The following ADCY2 variants were observed in gnomAD, a reference collection of about 807,000 sequenced individuals.
ADCY2 encodes the protein adenylate cyclase type 2.
Under a neutral mutation model 125.2 loss-of-function variants are expected in ADCY2, and 31 were observed. That is an observed-to-expected ratio of 0.25 (90% confidence interval 0.19 to 0.33). The LOEUF is 0.33. ADCY2 is among the 10% of genes least tolerant of loss of function. The pLI is 1.00. For missense variants in ADCY2, 904 were observed against 1,418.2 expected (o/e 0.64, Z 5.82); for synonymous variants, 512 against 548.4 (o/e 0.93, Z 0.93).
intron 4 of ADCY2, among the ~76,000 whole-genome samples, chr5:7,682,125 A>G (rs1740358492): frequency 6.6e-6 from 1 of 152,236 alleles, no homozygotes; most frequent in Non-Finnish European, 1.5e-5. Flanking sequence ...TGAGAGAATT[A>G]AGCAAGACAA....
At chr5:7,707,633 C>A in intron 8 of ADCY2, 73 bp from the exon 9 acceptor site, 1 of 1,544,004 alleles carries the variant, frequency 6.5e-7, no homozygotes, top group Non-Finnish European at 8.8e-7. Flanking sequence ...TTTCAGAAAT[C>A]ATGAGCAAAT....
intron 2 of ADCY2, among the ~76,000 whole-genome samples, chr5:7,513,203 T>TC (rs904754662): frequency 6.7e-6 from 1 of 149,032 alleles, no homozygotes; most frequent in Non-Finnish European, 1.5e-5. Flanking sequence ...AATAGGGTAA[T>TC]CATAAAGAGA....
intron 14 of ADCY2, among the ~76,000 whole-genome samples, chr5:7,734,480 C>A (rs1167103992): frequency 6.6e-6 from 1 of 152,098 alleles, no homozygotes; most frequent in Non-Finnish European, 1.5e-5. Flanking sequence ...GCACCAAAGT[C>A]AAAAATGAAC....
At chr5:7,675,855 A>G (rs1014822065) in intron 4 of ADCY2, among the ~76,000 whole-genome samples, 4 of 152,212 alleles carry the variant, frequency 2.6e-5, no homozygotes, top group Non-Finnish European at 2.9e-5. Context: ...GAGGACTCCA[A>G]TGAGTTTACT....
chr5:7,739,595 A>C (rs1179940065), intron 14 of ADCY2, among the ~76,000 whole-genome samples: 1 of 151,864 alleles, frequency 6.6e-6, no homozygotes, highest in African/African-American at 2.4e-5. Context: ...GAAAACCATC[A>C]GTAGTGAAAA....
chr5:7,479,796 G>T (rs1045423829), intron 2 of ADCY2, among the ~76,000 whole-genome samples: 2 of 151,966 alleles, frequency 1.3e-5, no homozygotes, highest in African/African-American at 4.8e-5. Flanking sequence ...CTAGCTTCAT[G>T]AGTTCAATTG....
intron 4 of ADCY2, among the ~76,000 whole-genome samples, chr5:7,629,346 G>A (rs1162959404): frequency 6.6e-6 from 1 of 152,102 alleles, no homozygotes; most frequent in Non-Finnish European, 1.5e-5. Context: ...TGAAACTATT[G>A]GGACCTGTCT....
At chr5:7,688,025 T>A (rs1246492088) in intron 4 of ADCY2, among the ~76,000 whole-genome samples, 2 of 146,112 alleles carry the variant, frequency 1.4e-5, no homozygotes, top group Admixed American at 1.4e-4. Context: ...GACATCTCTG[T>A]AGATGAACAG....
chr5:7,796,027 T>G (rs1744408964), intron 20 of ADCY2: 1 of 151,984 alleles, frequency 6.6e-6, no homozygotes, highest in Admixed American at 6.5e-5. Context: ...ATCTGTGCAC[T>G]GCAATAAAGC....
chr5:7,522,129 T>C (rs1744466794), intron 3 of ADCY2, among the ~76,000 whole-genome samples: 2 of 152,174 alleles, frequency 1.3e-5, no homozygotes, highest in Admixed American at 1.3e-4. Context: ...GTGGGTGTTT[T>C]ATGTTTATTT....
rs371267551 is a variant in ADCY2, at chr5:7,513,628, T to G, written c.409-7110T>G. Among the ~76,000 whole-genome samples, 12 of 152,318 alleles carry G rather than the reference T, an allele frequency of 7.9e-5. No homozygotes were observed. In the South Asian group the frequency reaches 2.5e-3, roughly 32 times the overall value. ...TACCATTAAGAATGCTCAATTAGAT[T>G]AATATGTTTAAGAATTCTAAATTTC... is the stretch of plus-strand genomic sequence containing the variant. On this transcript the variant is annotated intron_variant, in intron 2 of 24. Coordinates refer to ENST00000338316, the MANE Select transcript of ADCY2 (RefSeq NM_020546.3).
chr5:7,577,531 A>G (rs1736287297), intron 3 of ADCY2, among the ~76,000 whole-genome samples: 1 of 152,152 alleles, frequency 6.6e-6, no homozygotes, highest in South Asian at 2.1e-4. Flanking sequence ...TGAATTTGGC[A>G]CTGGGGGTGG....
At chr5:7,743,851 AC>A (rs1742518889) in intron 15 of ADCY2, 99 bp downstream of exon 15, 3 of 1,145,168 alleles carry the variant, frequency 2.6e-6, no homozygotes, top group Admixed American at 3.8e-5. Flanking sequence ...TTATTGCTTT[AC>A]CACTTCAAGA....
At position 7,440,537 on chromosome 5, in the gene ADCY2, C is replaced by T. The variant is rs1005731899; in HGVS notation, c.408+25767C>T. On this transcript the variant is annotated intron_variant, in intron 2 of 24. Coordinates refer to ENST00000338316, the MANE Select transcript of ADCY2 (RefSeq NM_020546.3). ...ACATTTTGAGTCTAGGCCTTTTGCA[C>T]GCACAAGCTACATGGAAACAGCATT... Among the ~76,000 whole-genome samples, 10 of 152,238 alleles carry T rather than the reference C, an allele frequency of 6.6e-5. No individual in the cohort carries two copies. In the South Asian group the frequency reaches 8.3e-4, roughly 13 times the overall value.
At chr5:7,823,904 C>T (rs115793389) in intron 24 of ADCY2, among the ~76,000 whole-genome samples, 3 of 152,048 alleles carry the variant, frequency 2.0e-5, no homozygotes, top group South Asian at 2.1e-4. Context: ...CAGGGCAGGT[C>T]GGCCACCTAC....
At chr5:7,601,386 T>C (rs1737195119) in intron 3 of ADCY2, among the ~76,000 whole-genome samples, 1 of 152,228 alleles carries the variant, frequency 6.6e-6, no homozygotes, top group South Asian at 2.1e-4. Context: ...ACCTCAGGCC[T>C]CTGTACAGGG....
At chr5:7,808,101 A>G (rs185249332) in intron 22 of ADCY2, among the ~76,000 whole-genome samples, 30 of 152,258 alleles carry the variant, frequency 2.0e-4, no homozygotes, top group African/African-American at 6.0e-4. Context: ...ACTCATCAGA[A>G]TGCCAAGGCT....
At chr5:7,695,462 A>G (rs1740858991) in intron 5 of ADCY2, among the ~76,000 whole-genome samples, 2 of 152,220 alleles carry the variant, frequency 1.3e-5, no homozygotes, top group Non-Finnish European at 2.9e-5. Context: ...AATCTTTTAT[A>G]AAAAGAGGAT....
intron 12 of ADCY2, 107 bp downstream of exon 12, chr5:7,717,344 C>T: frequency 1.6e-6 from 1 of 633,386 alleles, no homozygotes; most frequent in East Asian, 2.9e-5. Context: ...GTTTCTGAGA[C>T]CATTCATTCA....
Sources: allele counts gnomAD v4.1 joint callset (sites outside exome capture counted in the v4.1 genomes callset), GRCh38; gene constraint gnomAD v4.1.1; transcripts MANE v1.5; gene names NCBI Gene and HGNC (gene_info 2026-07-23, HGNC 2026-07-21).